The following UBTD2 variants were observed in gnomAD, a reference collection of about 807,000 sequenced individuals.
The protein encoded by UBTD2 is ubiquitin domain-containing protein 2.
Under a neutral mutation model 19.8 loss-of-function variants are expected in UBTD2, and 9 were observed. The ratio of observed to expected loss-of-function variants is 0.46; its 90% CI spans 0.27 to 0.79. UBTD2 has a LOEUF of 0.79. UBTD2 is among the 30% of genes least tolerant of loss of function. The pLI, the probability that UBTD2 is intolerant of heterozygous loss-of-function variation, is 0.14. For missense variants in UBTD2, 250 were observed against 300.4 expected (o/e 0.83, Z 1.24); for synonymous variants, 98 against 103.9 (o/e 0.94, Z 0.35).
At chr5:172,241,754 C>A (rs1581220164) in intron 1 of UBTD2, among the ~76,000 whole-genome samples, 2 of 152,048 alleles carry the variant, frequency 1.3e-5, no homozygotes. Context: ...CTGGCTCATA[C>A]CTCTAATCCC....
chr5:172,272,184 C>G (rs1755503359), intron 1 of UBTD2, among the ~76,000 whole-genome samples: 1 of 152,302 alleles, frequency 6.6e-6, no homozygotes, highest in African/African-American at 2.4e-5. Flanking sequence ...AGTATTTAAC[C>G]GCTCAGCTCA....
At chr5:172,215,501 G>T (rs897572626) in intron 2 of UBTD2, among the ~76,000 whole-genome samples, 2 of 152,062 alleles carry the variant, frequency 1.3e-5, no homozygotes, top group African/African-American at 4.8e-5. Context: ...CCATATTACC[G>T]AAGGCCCATT....
chr5:172,269,264 T>C (rs566254036), intron 1 of UBTD2, among the ~76,000 whole-genome samples: 11 of 151,176 alleles, frequency 7.3e-5, no homozygotes, highest in Non-Finnish European at 1.6e-4. Context: ...CCAAGGCAGG[T>C]GGATCATTTA....
intron 1 of UBTD2, among the ~76,000 whole-genome samples, chr5:172,240,803 C>T (rs1772111566): frequency 6.6e-6 from 1 of 152,120 alleles, no homozygotes; most frequent in African/African-American, 2.4e-5. Context: ...GTCGCCTAGG[C>T]AGTTGGGTGT....
chr5:172,224,046 G>C (rs957185022), intron 2 of UBTD2, among the ~76,000 whole-genome samples: 9 of 152,176 alleles, frequency 5.9e-5, no homozygotes, highest in Non-Finnish European at 1.0e-4. Context: ...TGGTGACTGA[G>C]AGAAGTTTCA....
chr5:172,273,590 C>CAAAAAAAAAAA (rs35687001), intron 1 of UBTD2, among the ~76,000 whole-genome samples: 7 of 36,422 alleles, frequency 1.9e-4, no homozygotes, highest in South Asian at 9.9e-4. Flanking sequence ...GACTCCGTCT[C>CAAAAAAAAAAA]AAAAAAAAAA....
intron 2 of UBTD2, among the ~76,000 whole-genome samples, chr5:172,213,716 G>C (rs116052663): frequency 6.6e-6 from 1 of 152,324 alleles, no homozygotes; most frequent in Non-Finnish European, 1.5e-5. Context: ...CTGAGTAGCT[G>C]AGACTAGGTG....
chr5:172,252,702 A>G (rs930196635), intron 1 of UBTD2, among the ~76,000 whole-genome samples: 2 of 152,106 alleles, frequency 1.3e-5, no homozygotes, highest in Non-Finnish European at 2.9e-5. Context: ...CCTGGCAAAA[A>G]TGTGTATAAA....
At position 172,210,874 on chromosome 5, in the gene UBTD2, G is replaced by C. The variant is rs941635027; in HGVS notation, c.*956C>G. ...ATCATTTACTTTATTAACTTGAGTG[G>C]GAACAGCTATAATTGATTTTGGTGT... On this transcript the variant is annotated 3_prime_UTR_variant, in exon 3 of 3. Transcript: ENST00000393792. 1 of 152,006 alleles carries C rather than the reference G, an allele frequency of 6.6e-6. No individual in the cohort carries two copies. The highest frequency in any genetic ancestry group is 2.4e-5 in the African/African-American group (1 of 41,364). 9.4% of individuals were successfully genotyped at this position (152,006 alleles called of 1,614,324 possible). A position where few individuals can be genotyped will look rare whatever the true frequency, so the allele number is the denominator to read the frequency against.
intron 2 of UBTD2, among the ~76,000 whole-genome samples, 165 bp downstream of exon 2, chr5:172,233,957 A>G (rs561278890): frequency 6.6e-6 from 1 of 152,184 alleles, no homozygotes; most frequent in East Asian, 1.9e-4. Context: ...ACCTGTCTCC[A>G]GCTGAAAGAT....
chr5:172,275,576 T>C (rs1468712450), intron 1 of UBTD2, among the ~76,000 whole-genome samples: 1 of 152,198 alleles, frequency 6.6e-6, no homozygotes, highest in Non-Finnish European at 1.5e-5. Context: ...TTCTTATTGC[T>C]TCACCCTTTA....
rs894413226 is a variant in UBTD2 at position 172,265,265 on chromosome 5, T to C, written c.70+18331A>G. Among the ~76,000 whole-genome samples the C allele has an allele frequency of 4.6e-5, 7 of 152,212 alleles. No homozygotes were observed. The East Asian group carries it at 1.3e-3, about 29-fold the overall frequency. ...TCTCTCTAAAGATAATAGGCTTCTGTACAACTAAGGAACCAGTCAGTAATA... is the reference window on the plus strand; with the variant it reads ...TCTCTCTAAAGATAATAGGCTTCTGCACAACTAAGGAACCAGTCAGTAATA... On this transcript the variant is annotated intron_variant, in intron 1 of 2. Transcript: ENST00000393792.
intron 2 of UBTD2, 24 bp downstream of exon 2, chr5:172,234,098 G>A (rs749960889): frequency 1.2e-6 from 2 of 1,607,404 alleles, no homozygotes; most frequent in Non-Finnish European, 1.7e-6. Context: ...TGTTTCCTCT[G>A]TCCTTGAGGA....
At chr5:172,251,570 G>C (rs1166241774) in intron 1 of UBTD2, among the ~76,000 whole-genome samples, 2 of 149,448 alleles carry the variant, frequency 1.3e-5, no homozygotes, top group Admixed American at 6.7e-5. Context: ...GCTAGCAGCA[G>C]ATTTCTCAGC....
In UBTD2 at chr5:172,242,434, C is replaced by G. The variant is rs959763672; in HGVS notation, c.71-8076G>C. On this transcript the variant is annotated intron_variant, in intron 1 of 2. Coordinates refer to ENST00000393792, the MANE Select transcript of UBTD2 (RefSeq NM_152277.3). ...CTTATGTGTTGTCATTTGATGTAGG[C>G]CAGCATTTCTCAGCTGGGGACAGTT... 7.1e-6 allele frequency: 7 copies of G among 985,244 alleles called. No homozygotes were observed. The African/African-American group carries it at 1.0e-4, about 15-fold the overall frequency. 61.0% of individuals were successfully genotyped at this position (985,244 alleles called of 1,614,324 possible).
intron 2 of UBTD2, among the ~76,000 whole-genome samples, chr5:172,229,500 C>CAAA (rs5873303): frequency 1.1e-3 from 61 of 57,200 alleles, no homozygotes; most frequent in East Asian, 1.6e-3. Flanking sequence ...GACTCCGTCT[C>CAAA]AAAAAAAAAA....
intron 1 of UBTD2, among the ~76,000 whole-genome samples, chr5:172,274,681 G>A (rs1489486487): frequency 1.3e-5 from 2 of 152,164 alleles, no homozygotes; most frequent in Non-Finnish European, 2.9e-5. Context: ...TTTAGGATAT[G>A]AGTAACAAAC....
At chr5:172,227,431 T>C (rs1164532726) in intron 2 of UBTD2, among the ~76,000 whole-genome samples, 1 of 152,198 alleles carries the variant, frequency 6.6e-6, no homozygotes, top group Non-Finnish European at 1.5e-5. Context: ...GTTTCATTTC[T>C]AAACCCTACA....
chr5:172,253,734 G>A (rs955599443), intron 1 of UBTD2, among the ~76,000 whole-genome samples: 1 of 152,000 alleles, frequency 6.6e-6, no homozygotes, highest in Non-Finnish European at 1.5e-5. Context: ...TTACAGGCAC[G>A]AGCCACTGTG....
Sources: gnomAD v4.1 joint callset for allele counts (sites outside exome capture counted in the v4.1 genomes callset) on GRCh38, gnomAD v4.1.1 for gene constraint, MANE v1.5 for transcripts, NCBI Gene and HGNC (gene_info 2026-07-23, HGNC 2026-07-21) for gene names.